CLYBL: variants seen among roughly 807,000 people sequenced by gnomAD.
CLYBL encodes the protein citramalyl-CoA lyase.
A neutral mutation model predicts 38.9 loss-of-function variants in CLYBL; 31 were observed. The ratio of observed to expected loss-of-function variants is 0.80; its 90% confidence interval spans 0.60 to 1.08. The LOEUF (loss-of-function observed/expected upper bound fraction) is 1.08. Ranked by LOEUF, CLYBL falls within the 50% of genes least tolerant of loss-of-function variation. CLYBL has a pLI of 0.00. For synonymous variants in CLYBL, 171 were observed against 158.6 expected (o/e 1.08, Z -0.59); for missense variants, 434 against 411.6 (o/e 1.05, Z -0.47).
chr13:99,765,286 C>T (rs895625267), intron 1 of CLYBL, among the ~76,000 whole-genome samples: 2 of 152,170 alleles, frequency 1.3e-5, no homozygotes, highest in African/African-American at 2.4e-5. Context: ...CTGCCAGACA[C>T]ATTGGAGTGC....
At chr13:99,784,447 CTCTTTT>C (rs565423216) in intron 2 of CLYBL, among the ~76,000 whole-genome samples, 2,376 of 99,396 alleles carry the variant, frequency 0.024, 45 homozygotes, top group East Asian at 0.072. Flanking sequence ...GGAAAATTCT[CTCTTTT>C]TTTTTTTTTT....
At chr13:99,798,080 T>C (rs1311383991) in intron 2 of CLYBL, among the ~76,000 whole-genome samples, 1 of 152,212 alleles carries the variant, frequency 6.6e-6, no homozygotes, top group Non-Finnish European at 1.5e-5. Context: ...CTCCTTCATC[T>C]TGAAACAATA....
chr13:99,693,263 T>A (rs9557281), intron 1 of CLYBL, among the ~76,000 whole-genome samples: 2 of 152,164 alleles, frequency 1.3e-5, no homozygotes, highest in African/African-American at 4.8e-5. Flanking sequence ...CTTCTTCATC[T>A]TTGTATCCCC....
At chr13:99,641,648 C>CAAAA (rs35893746) in intron 1 of CLYBL, among the ~76,000 whole-genome samples, 1 of 143,764 alleles carries the variant, frequency 7.0e-6, no homozygotes, top group East Asian at 2.0e-4. Context: ...ACTAAAAATA[C>CAAAA]AAAAAAAAAA....
In CLYBL at chr13:99,780,622, C is replaced by T. The variant is rs182386108; in HGVS notation, c.249+7612C>T. ...GGATCTCCTGACCTCATGATCTGCC[C>T]GTCTCGGCCTCCCAAAGTGCTGGGA... On this transcript the variant is annotated intron_variant, in intron 2 of 8. Coordinates refer to ENST00000339105, the MANE Select transcript of CLYBL (RefSeq NM_206808.5). Among the ~76,000 whole-genome samples the T allele has an allele frequency of 2.8e-3, 423 of 151,776 alleles. 4 individuals are homozygous for T. The highest frequency in any genetic ancestry group is 9.7e-3 in the African/African-American group (403 of 41,344).
At chr13:99,819,204 G>T (rs1356773626) in intron 2 of CLYBL, among the ~76,000 whole-genome samples, 24 of 151,192 alleles carry the variant, frequency 1.6e-4, no homozygotes, top group Non-Finnish European at 4.4e-5. Flanking sequence ...AATTAGCCAG[G>T]TATGGTAGCA....
intron 1 of CLYBL, among the ~76,000 whole-genome samples, chr13:99,625,058 C>T (rs906804237): frequency 1.4e-4 from 22 of 152,304 alleles, no homozygotes; most frequent in African/African-American, 4.1e-4. Flanking sequence ...TTATGGCCAG[C>T]GTGTGGAAGA....
intron 2 of CLYBL, among the ~76,000 whole-genome samples, chr13:99,808,536 G>A (rs2050277293): frequency 6.6e-6 from 1 of 152,056 alleles, no homozygotes. Context: ...AAATATTTGA[G>A]GTTTTTCTTG....
intron 1 of CLYBL, among the ~76,000 whole-genome samples, chr13:99,678,203 A>G (rs1056974927): frequency 6.6e-6 from 1 of 152,166 alleles, no homozygotes; most frequent in South Asian, 2.1e-4. Context: ...ACATTTTGTC[A>G]TTGTTGTTTC....
chr13:99,671,124 G>A (rs944466080), intron 1 of CLYBL, among the ~76,000 whole-genome samples: 2 of 152,114 alleles, frequency 1.3e-5, no homozygotes, highest in African/African-American at 4.8e-5. Context: ...TGGTTCTGCT[G>A]CCAGATTCTT....
intron 1 of CLYBL, among the ~76,000 whole-genome samples, chr13:99,620,792 AAAAGAGAGAGAGAG>A (rs1395799245): frequency 2.0e-5 from 3 of 150,398 alleles, no homozygotes; most frequent in Admixed American, 6.7e-5. Context: ...GAAAGAAAGA[AAAAGAGAGAGAGAG>A]AAAGAGAGAG....
At chr13:99,668,771 G>A (rs908223919) in intron 1 of CLYBL, among the ~76,000 whole-genome samples, 2 of 152,112 alleles carry the variant, frequency 1.3e-5, no homozygotes, top group African/African-American at 4.8e-5. Flanking sequence ...CAAGCTGGGG[G>A]TGTCCTGGCC....
chr13:99,743,754 C>A (rs1198794029), intron 1 of CLYBL, among the ~76,000 whole-genome samples: 1 of 152,036 alleles, frequency 6.6e-6, no homozygotes, highest in Admixed American at 6.6e-5. Flanking sequence ...GTGGGAATCA[C>A]AATGGTATTT....
intron 1 of CLYBL, among the ~76,000 whole-genome samples, chr13:99,651,679 C>T (rs761696069): frequency 6.6e-6 from 1 of 152,128 alleles, no homozygotes; most frequent in Non-Finnish European, 1.5e-5. Flanking sequence ...CGCCTGTAAT[C>T]CCAACACTTT....
intron 2 of CLYBL, among the ~76,000 whole-genome samples, chr13:99,810,548 G>A (rs1430906286): frequency 2.0e-5 from 3 of 152,196 alleles, no homozygotes; most frequent in African/African-American, 7.2e-5. Flanking sequence ...AGAGCCCAGG[G>A]TCATGCAGGA....
chr13:99,648,231 T>G (rs943219763), intron 1 of CLYBL, among the ~76,000 whole-genome samples: 3 of 152,192 alleles, frequency 2.0e-5, no homozygotes, highest in Admixed American at 6.5e-5. Flanking sequence ...GTGGGTGGTC[T>G]GTGTTGGAGA....
chr13:99,808,167 C>A (rs1009518369), intron 2 of CLYBL, among the ~76,000 whole-genome samples: 1 of 152,156 alleles, frequency 6.6e-6, no homozygotes, highest in African/African-American at 2.4e-5. Flanking sequence ...CTCACTGCAG[C>A]GTGGACCGCC....
At chr13:99,868,411 GA>G (rs1334893568) in intron 6 of CLYBL, among the ~76,000 whole-genome samples, 2 of 151,214 alleles carry the variant, frequency 1.3e-5, no homozygotes, top group African/African-American at 4.9e-5. Context: ...AAGAAGGAAA[GA>G]AAAAAAAGGA....
intron 2 of CLYBL, among the ~76,000 whole-genome samples, chr13:99,840,363 A>G (rs1006698148): frequency 4.1e-4 from 63 of 151,960 alleles, no homozygotes; most frequent in Non-Finnish European, 1.8e-4. Context: ...TGTAATCCCA[A>G]TACTTTGGGA....
Sources: gnomAD v4.1 joint callset for allele counts (sites outside exome capture counted in the v4.1 genomes callset) on GRCh38, gnomAD v4.1.1 for gene constraint, MANE v1.5 for transcripts, NCBI Gene and HGNC (gene_info 2026-07-23, HGNC 2026-07-21) for gene names.